METTL15: variants seen among roughly 807,000 people sequenced by gnomAD.
METTL15 encodes 12S rRNA N(4)-cytidine methyltransferase METTL15.
In METTL15, 34 loss-of-function variants were observed where a neutral mutation model predicts 38.3. That is an observed-to-expected ratio of 0.89 (90% CI 0.68 to 1.18). The LOEUF (loss-of-function observed/expected upper bound fraction) is 1.18. METTL15 is among the 50% of genes most tolerant of loss of function. The pLI is 0.00. For synonymous variants in METTL15, 162 were observed against 170.9 expected, an observed-to-expected ratio of 0.95 and a Z score of 0.41; for missense variants, 438 against 498.4, an observed-to-expected ratio of 0.88 and a Z score of 1.15.
intron 6 of METTL15, among the ~76,000 whole-genome samples, chr11:28,323,431 G>A (rs994972959): frequency 1.3e-5 from 2 of 152,070 alleles, no homozygotes; most frequent in South Asian, 2.1e-4. Context: ...TAGTGACATG[G>A]TGCTGTTTTT....
chr11:28,526,884 G>A (rs1851816227), exon 8 of METTL15: 1 of 152,184 alleles, frequency 6.6e-6, no homozygotes, highest in Admixed American at 6.5e-5. Context: ...AATTATCAGT[G>A]ATGAAAATTA....
At chr11:28,380,726 C>T (rs1850373774) in intron 5 of METTL15, among the ~76,000 whole-genome samples, 1 of 152,012 alleles carries the variant, frequency 6.6e-6, no homozygotes, top group Non-Finnish European at 1.5e-5. Flanking sequence ...AAGATGACAA[C>T]ATATCTTAGA....
chr11:28,115,735 AGAG>A (rs930315743), intron 3 of METTL15, among the ~76,000 whole-genome samples: 2 of 152,108 alleles, frequency 1.3e-5, no homozygotes, highest in African/African-American at 2.4e-5. Flanking sequence ...AGACTGAGGA[AGAG>A]GAGGAGGGGT....
intron 5 of METTL15, among the ~76,000 whole-genome samples, chr11:28,373,161 G>T (rs1363777083): frequency 6.6e-6 from 1 of 152,034 alleles, no homozygotes; most frequent in Non-Finnish European, 1.5e-5. Context: ...GGGTCAAATG[G>T]TACTTCTAGT....
intron 4 of METTL15, among the ~76,000 whole-genome samples, chr11:28,235,746 C>A (rs1225400661): frequency 6.6e-6 from 1 of 152,148 alleles, no homozygotes; most frequent in Non-Finnish European, 1.5e-5. Context: ...ATCATGTCAT[C>A]TGCAAACAGG....
chr11:28,454,171 A>G (rs1367215093), intron 6 of METTL15, among the ~76,000 whole-genome samples: 2 of 152,180 alleles, frequency 1.3e-5, no homozygotes, highest in African/African-American at 4.8e-5. Context: ...GTTAGCCAAT[A>G]CCAAAGATTT....
At chr11:28,318,382 A>T (rs915684547) in intron 6 of METTL15, among the ~76,000 whole-genome samples, 3 of 151,900 alleles carry the variant, frequency 2.0e-5, no homozygotes, top group South Asian at 4.2e-4. Flanking sequence ...TATATATATA[A>T]AATTGCAGAA....
intron 4 of METTL15, among the ~76,000 whole-genome samples, chr11:28,262,224 G>A (rs1266350703): frequency 6.6e-6 from 1 of 151,884 alleles, no homozygotes; most frequent in East Asian, 1.9e-4. Context: ...ATGGCTCACA[G>A]TCTACCAAGG....
chr11:28,337,525 T>G (rs1029883584), downstream of METTL15, among the ~76,000 whole-genome samples: 8 of 152,044 alleles, frequency 5.3e-5, no homozygotes, highest in Non-Finnish European at 1.0e-4. Context: ...CAGAAAAATA[T>G]TTTTTATATA....
intron 4 of METTL15, among the ~76,000 whole-genome samples, chr11:28,260,468 T>C (rs1855156978): frequency 6.6e-6 from 1 of 152,284 alleles, no homozygotes; most frequent in African/African-American, 2.4e-5. Context: ...ACCTCTTTCC[T>C]CCCACTAGAA....
intron 6 of METTL15, among the ~76,000 whole-genome samples, chr11:28,507,071 A>G (rs1416605405): frequency 1.3e-5 from 2 of 152,064 alleles, no homozygotes; most frequent in Non-Finnish European, 2.9e-5. Flanking sequence ...ACAGTGTTTC[A>G]GCAGCCGTTA....
intron 6 of METTL15, among the ~76,000 whole-genome samples, chr11:28,431,946 AG>A (rs1207278185): frequency 5.3e-5 from 8 of 152,184 alleles, no homozygotes; most frequent in Non-Finnish European, 7.3e-5. Context: ...GTGTCTCCAC[AG>A]GGTGCCCATC....
intron 6 of METTL15, among the ~76,000 whole-genome samples, chr11:28,304,995 T>C (rs1857033665): frequency 6.6e-6 from 1 of 152,202 alleles, no homozygotes; most frequent in African/African-American, 2.4e-5. Context: ...TATATCATAG[T>C]TGTCATTGCC....
chr11:28,117,231 A>ATGTGTG (rs1444092063), intron 3 of METTL15, among the ~76,000 whole-genome samples: 1 of 66,830 alleles, frequency 1.5e-5, no homozygotes, highest in African/African-American at 5.7e-5. Context: ...ACACCTATAT[A>ATGTGTG]TGTATGTGTG....
chr11:28,377,452 G>A lies in METTL15; in HGVS notation c.*358+15416G>A, dbSNP rs182289510. ...ACCCTTTCTTCCAGTTGATCGCATC[G>A]GCTCCTGAGGCTTCTGTGTTGTTCA... is the stretch of plus-strand genomic sequence containing the variant. On this transcript the variant is annotated intron_variant and NMD_transcript_variant, in intron 5 of 7. Coordinates refer to the METTL15 transcript ENST00000532947. 2.1e-3 allele frequency among the ~76,000 whole-genome samples: 312 copies of A among 151,988 alleles called. 3 individuals carry two copies. Among genetic ancestry groups the A allele is most frequent in the South Asian group, 0.018 (84 of 4,782 alleles).
intron 4 of METTL15, among the ~76,000 whole-genome samples, chr11:28,268,693 T>C (rs1855528816): frequency 6.6e-6 from 1 of 152,196 alleles, no homozygotes; most frequent in Admixed American, 6.5e-5. Flanking sequence ...AAATATCCTT[T>C]CTGAAAAATG....
intron 6 of METTL15, among the ~76,000 whole-genome samples, chr11:28,490,794 ATAGC>A (rs1487610946): frequency 6.6e-6 from 1 of 152,198 alleles, no homozygotes; most frequent in Non-Finnish European, 1.5e-5. Flanking sequence ...GCCTTTTAAA[ATAGC>A]TAGGCTAAAA....
intron 6 of METTL15, among the ~76,000 whole-genome samples, chr11:28,475,849 A>C (rs1851342100): frequency 6.6e-6 from 1 of 152,188 alleles, no homozygotes; most frequent in African/African-American, 2.4e-5. Flanking sequence ...GAACTGAAGA[A>C]TTTGCCTGTC....
intron 5 of METTL15, among the ~76,000 whole-genome samples, chr11:28,365,875 C>T (rs865894580): frequency 6.6e-6 from 1 of 152,028 alleles, no homozygotes; most frequent in Non-Finnish European, 1.5e-5. Context: ...CATGGTGAAA[C>T]CCCTTCTCTA....
Sources: allele counts gnomAD v4.1 joint callset (sites outside exome capture counted in the v4.1 genomes callset), GRCh38; gene constraint gnomAD v4.1.1; transcripts MANE v1.5; gene names NCBI Gene and HGNC (gene_info 2026-07-23, HGNC 2026-07-21).